Variants in POLR2E observed in about 807,000 individuals in gnomAD.
The protein encoded by POLR2E is DNA-directed RNA polymerases I, II, and III subunit RPABC1.
POLR2E carries 35 observed loss-of-function variants against 29.8 expected under a neutral mutation model. That is an observed-to-expected ratio of 1.17 (90% CI 0.90 to 1.55). The LOEUF is 1.55. Ranked by LOEUF, POLR2E falls within the 40% of genes most tolerant of loss-of-function variation. POLR2E has a pLI of 0.00. For missense variants in POLR2E, 287 were observed against 288.6 expected, an observed-to-expected ratio of 0.99 and a Z score of 0.04; for synonymous variants, 174 against 112.6, an observed-to-expected ratio of 1.55 and a Z score of -3.45.
At position 1,087,799 on chromosome 19, in the gene POLR2E, G is replaced by A. The variant is rs1408312974; in HGVS notation, c.*936C>T. On this transcript the variant is annotated 3_prime_UTR_variant, in exon 8 of 8. Coordinates refer to ENST00000615234, the MANE Select transcript of POLR2E (RefSeq NM_002695.5). ...TACAGACCACCGACCGCCCGAGGGT[G>A]AATTACATCTTAATAAAGCTACTGT... The A allele has an allele frequency of 6.6e-6, 1 of 152,344 alleles. No individual in the cohort carries two copies. The highest frequency in any genetic ancestry group is 1.5e-5 in the Non-Finnish European group (1 of 68,048). 9.4% of individuals were successfully genotyped at this position (152,344 alleles called of 1,614,324 possible). A position where few individuals can be genotyped will look rare whatever the true frequency, so the allele number is the denominator to read the frequency against.
Position 1,087,875 on chromosome 19 carries a change from TCAGA to T in POLR2E, c.*856_*859del, listed in dbSNP as rs1293528137. On this transcript the variant is annotated 3_prime_UTR_variant, in exon 8 of 8. Coordinates refer to ENST00000615234, the MANE Select transcript of POLR2E (RefSeq NM_002695.5). Reference sequence around the variant, plus strand: ...CTTGGGCAGGCGAGGCCTTCTGAAATCAGACAGTAAGCAAACGGGGAAGTAGAGC... The same window carrying T: ...CTTGGGCAGGCGAGGCCTTCTGAAATCAGTAAGCAAACGGGGAAGTAGAGC... 1 of 152,092 alleles carries T rather than the reference TCAGA, an allele frequency of 6.6e-6. No individual in the cohort carries two copies. The highest frequency in any genetic ancestry group is 1.5e-5 in the Non-Finnish European group (1 of 68,008). 9.4% of individuals were successfully genotyped at this position (152,092 alleles called of 1,614,324 possible).
intron 2 of POLR2E, among the ~76,000 whole-genome samples, chr19:1,092,781 T>C (rs944085607): frequency 4.3e-4 from 64 of 147,876 alleles, no homozygotes; most frequent in African/African-American, 1.4e-3. Flanking sequence ...TTTGGGAGGC[T>C]GAGGTGGAAG....
In POLR2E at chr19:1,086,993, ATT is replaced by A. The variant is rs3073478; in HGVS notation, c.*1740_*1741del. ...GTGGCCCATGCGCCTGTGGAACTGCATTTTTTTTTTTTTTTGAGACAGGGTGT... is the reference window on the plus strand; with the variant it reads ...GTGGCCCATGCGCCTGTGGAACTGCATTTTTTTTTTTTTGAGACAGGGTGT... On this transcript the variant is annotated 3_prime_UTR_variant, in exon 8 of 8. Transcript: ENST00000615234. 27,533 of 145,972 alleles carry A rather than the reference ATT, an allele frequency of 0.19. 4,096 individuals carry two copies. Among genetic ancestry groups the A allele is most frequent in the African/African-American group, 0.42 (16,933 of 39,992 alleles). The allele number at this position is 145,972 out of a possible 1,614,324, so 9.0% of individuals were successfully genotyped here.
Position 1,087,976 on chromosome 19 carries a change from C to A in POLR2E, c.*759G>T. 1 of 152,508 alleles carries A rather than the reference C, an allele frequency of 6.6e-6. No individual in the cohort carries two copies. The allele number at this position is 152,508 out of a possible 1,614,324, so 9.4% of individuals were successfully genotyped here. A position where few individuals can be genotyped will look rare whatever the true frequency, so the allele number is the denominator to read the frequency against. On this transcript the variant is annotated 3_prime_UTR_variant, in exon 8 of 8. Coordinates refer to ENST00000615234, the MANE Select transcript of POLR2E (RefSeq NM_002695.5). ...CACAAGCCAGAGAACAACTCCACAC[C>A]CTCACGGGAAGGGAAGAGACAGACA...
chr19:1,091,792 C>A lies in POLR2E; in HGVS notation c.348G>T (p.Gln116His), dbSNP rs770934264. 1.9e-6 allele frequency: 3 copies of A among 1,601,356 alleles called. No homozygotes were observed. Among genetic ancestry groups the A allele is most frequent in the South Asian group, 2.2e-5 (2 of 90,902 alleles). The change falls in exon 3 of 8, where the codon CAG becomes CAT. Residue 116 changes from glutamine to histidine, a missense_variant and splice_region_variant. By Grantham distance (24) the Gln-to-His change is conservative (BLOSUM62 0). Transcript: ENST00000615234. ...VQQGMTPSAK[Q>H]SLVDMAPKYI... ...GGCGGGGTGGGGCAGGGGTGCCCAC[C>A]TGCTTGGCGGAGGGTGTCATGCCCT...
At chr19:1,095,036 A>T in intron 1 of POLR2E, 1 of 507,476 alleles carries the variant, frequency 2.0e-6, no homozygotes, top group Non-Finnish European at 3.5e-6. Flanking sequence ...ACCCACCCCT[A>T]AGCACCGCAC....
chr19:1,089,704 C>G, intron 6 of POLR2E, 153 bp from the exon 7 acceptor site: 1 of 797,540 alleles, frequency 1.3e-6, no homozygotes, highest in African/African-American at 1.7e-5. Flanking sequence ...GAACCTGGGT[C>G]ACGCTCTTCT....
At chr19:1,092,806 G>A (rs1372886898) in intron 2 of POLR2E, among the ~76,000 whole-genome samples, 2 of 151,312 alleles carry the variant, frequency 1.3e-5, no homozygotes, top group East Asian at 3.9e-4. Context: ...GTTTGAACCT[G>A]GGAGGTGGAG....
intron 4 of POLR2E, among the ~76,000 whole-genome samples, 200 bp downstream of exon 4, chr19:1,090,708 G>A (rs374058313): frequency 9.6e-4 from 146 of 152,078 alleles, no homozygotes; most frequent in Middle Eastern, 6.8e-3. Flanking sequence ...GTGAGCCACC[G>A]CGCCCGGCCG....
At chr19:1,091,592 A>G (rs1680063484) in intron 3 of POLR2E, 200 bp downstream of exon 3, 3 of 580,526 alleles carry the variant, frequency 5.2e-6, no homozygotes, top group Non-Finnish European at 6.2e-6. Context: ...CTGGGGGAGG[A>G]CGGCGGCTGC....
At chr19:1,094,921 A>T in intron 1 of POLR2E, 1 of 391,782 alleles carries the variant, frequency 2.6e-6, no homozygotes, top group South Asian at 4.6e-5. Context: ...ACAAATAGCG[A>T]CGCTGAATCA....
rs780939807 is a variant in POLR2E at position 1,095,343 on chromosome 19, C to A, written c.-28G>T. 3.5e-5 allele frequency: 56 copies of A among 1,612,032 alleles called. 1 individual carries two copies. The South Asian group carries it at 4.7e-4, about 14-fold the overall frequency. On this transcript the variant is annotated 5_prime_UTR_variant, in exon 1 of 8. Transcript: ENST00000615234. ...CAGCCTCCGCCGCCGCCGCCGCTCG[C>A]ACCCCTTCTCCGCGCGAGAACCCGC...
intron 1 of POLR2E, chr19:1,095,012 A>C: frequency 6.5e-5 from 21 of 322,884 alleles, no homozygotes; most frequent in East Asian, 1.1e-4. Flanking sequence ...GCGCCGCACC[A>C]GCCCAAGCCG....
At chr19:1,095,101 C>T (rs1177076240) in intron 1 of POLR2E, 158 bp downstream of exon 1, 1 of 702,252 alleles carries the variant, frequency 1.4e-6, no homozygotes, top group Admixed American at 2.8e-5. Flanking sequence ...TCGGGTCCAG[C>T]GCCTGGTATC....
Position 1,090,984 on chromosome 19 carries a change from A to G in POLR2E, c.353T>C (p.Leu118Pro). Reference sequence around the variant, plus strand: ...GATGTACTTGGGGGCCATGTCGACCAGGGACTGGAAGAGAGCGGCTCTAAG... The same window carrying G: ...GATGTACTTGGGGGCCATGTCGACCGGGGACTGGAAGAGAGCGGCTCTAAG... Reference protein sequence around the residue: ...QGMTPSAKQSLVDMAPKYILE... With the variant: ...QGMTPSAKQSPVDMAPKYILE... The change falls in exon 4 of 8, where the codon CTG becomes CCG. Residue 118 changes from leucine to proline, a missense_variant. Leu to Pro is a moderately conservative substitution (Grantham distance 98, BLOSUM62 -3). Coordinates refer to ENST00000615234, the MANE Select transcript of POLR2E (RefSeq NM_002695.5). 1 of 1,613,620 alleles carries G rather than the reference A, an allele frequency of 6.2e-7. No homozygotes were observed. The highest frequency in any genetic ancestry group is 8.5e-7 in the Non-Finnish European group (1 of 1,179,958).
chr19:1,094,212 G>C lies in POLR2E; in HGVS notation c.58-134C>G, dbSNP rs1453872470. The C allele has an allele frequency of 6.6e-6, 5 of 755,826 alleles. No homozygotes were observed. In the Admixed American group the frequency reaches 1.5e-4, roughly 23 times the overall value. 46.8% of individuals were successfully genotyped at this position (755,826 alleles called of 1,614,324 possible). A position where few individuals can be genotyped will look rare whatever the true frequency, so the allele number is the denominator to read the frequency against. On this transcript the variant is annotated intron_variant, in intron 1 of 7. Coordinates refer to ENST00000615234, the MANE Select transcript of POLR2E (RefSeq NM_002695.5). ...CAAACGGGATGAACACTCACTGTGTGCTCCATGACAGCCACCCCGGCCCCC... is the reference window on the plus strand; with the variant it reads ...CAAACGGGATGAACACTCACTGTGTCCTCCATGACAGCCACCCCGGCCCCC...
At chr19:1,092,561 G>C (rs540049974) in intron 2 of POLR2E, among the ~76,000 whole-genome samples, 1 of 152,002 alleles carries the variant, frequency 6.6e-6, no homozygotes, top group East Asian at 1.9e-4. Context: ...ATTAGCCCAC[G>C]CCCGCAGTCC....
At chr19:1,093,766 G>C in intron 2 of POLR2E, 138 bp downstream of exon 2, 1 of 1,415,884 alleles carries the variant, frequency 7.1e-7, no homozygotes, top group East Asian at 2.7e-5. Context: ...AGCAAGGAAG[G>C]GGAGGGGAGT....
In POLR2E at chr19:1,091,729, TA is replaced by T. The variant is rs1222938592; in HGVS notation, c.348+62del. 2.7e-6 allele frequency: 3 copies of T among 1,121,752 alleles called. No individual in the cohort carries two copies. The African/African-American group carries it at 4.6e-5, about 17-fold the overall frequency. 69.5% of individuals were successfully genotyped at this position (1,121,752 alleles called of 1,614,324 possible). A position where few individuals can be genotyped will look rare whatever the true frequency, so the allele number is the denominator to read the frequency against. The stretch of plus-strand genomic sequence containing the variant: ...CCAAGGCACGTGGGCCGCCTGTGGG[TA>T]CTGCTTGCGGGAGGAGGCTGGGGAG... On this transcript the variant is annotated intron_variant, in intron 3 of 7. Transcript: ENST00000615234.
Sources: gnomAD v4.1 joint callset for allele counts (sites outside exome capture counted in the v4.1 genomes callset) on GRCh38, gnomAD v4.1.1 for gene constraint, MANE v1.5 for transcripts, NCBI Gene and HGNC (gene_info 2026-07-23, HGNC 2026-07-21) for gene names.